PEBP4: variants seen among roughly 807,000 people sequenced by gnomAD.
PEBP4 encodes phosphatidylethanolamine binding protein 4.
In PEBP4, 22 loss-of-function variants were observed where a neutral mutation model predicts 23.9. The observed-to-expected ratio is 0.92, with a 90% CI of 0.66 to 1.31. PEBP4 has a LOEUF of 1.31. PEBP4 is among the 40% of genes most tolerant of loss of function. The probability of loss-of-function intolerance (pLI) is 0.00; values close to 1 mark genes in which losing one functional copy is unlikely to be tolerated. For synonymous variants in PEBP4, 112 were observed against 99.3 expected (o/e 1.13, Z -0.76); for missense variants, 324 against 281.7 (o/e 1.15, Z -1.07).
At chr8:22,796,104 T>C (rs576805279) in intron 4 of PEBP4, among the ~76,000 whole-genome samples, 1 of 152,360 alleles carries the variant, frequency 6.6e-6, no homozygotes, top group South Asian at 2.1e-4. Context: ...TCGATACTTA[T>C]GGGTGGCCTC....
At chr8:22,826,339 T>C (rs1411819868) in intron 3 of PEBP4, among the ~76,000 whole-genome samples, 1 of 152,238 alleles carries the variant, frequency 6.6e-6, no homozygotes, top group African/African-American at 2.4e-5. Context: ...GCATGCATTG[T>C]TGTAGGAATG....
At chr8:22,832,441 T>A (rs1302473085) in intron 3 of PEBP4, among the ~76,000 whole-genome samples, 1 of 152,306 alleles carries the variant, frequency 6.6e-6, no homozygotes, top group East Asian at 1.9e-4. Context: ...TGCTGGCACA[T>A]TGGTCTTGGA....
intron 3 of PEBP4, among the ~76,000 whole-genome samples, chr8:22,909,692 G>A (rs182993469): frequency 7.0e-4 from 106 of 152,312 alleles, no homozygotes; most frequent in African/African-American, 2.5e-3. Context: ...AGGGGCAGGA[G>A]CTTTGGAGGC....
At chr8:22,828,439 C>A (rs562583827) in intron 3 of PEBP4, among the ~76,000 whole-genome samples, 1 of 152,296 alleles carries the variant, frequency 6.6e-6, no homozygotes, top group African/African-American at 2.4e-5. Context: ...ATTCTTTGCT[C>A]TGGAACTGCC....
At chr8:22,861,520 C>T (rs976191068) in intron 3 of PEBP4, among the ~76,000 whole-genome samples, 4 of 152,200 alleles carry the variant, frequency 2.6e-5, no homozygotes, top group Non-Finnish European at 5.9e-5. Flanking sequence ...CAAATGCAGG[C>T]GGGCAAACTC....
At chr8:22,789,499 A>G (rs1554485746) in intron 4 of PEBP4, among the ~76,000 whole-genome samples, 6 of 151,800 alleles carry the variant, frequency 4.0e-5, no homozygotes, top group Non-Finnish European at 8.8e-5. Context: ...TTAAGAGGTG[A>G]CTCTATTCCT....
At chr8:22,839,867 G>A (rs2128765446) in intron 3 of PEBP4, among the ~76,000 whole-genome samples, 1 of 151,474 alleles carries the variant, frequency 6.6e-6, no homozygotes, top group South Asian at 2.1e-4. Flanking sequence ...AACCCCAATT[G>A]GAATGGCTGA....
chr8:22,719,007 C>CT (rs1225448217), intron 6 of PEBP4, among the ~76,000 whole-genome samples: 1 of 152,182 alleles, frequency 6.6e-6, no homozygotes, highest in African/African-American at 2.4e-5. Context: ...CCACCGAGGC[C>CT]TGCATGCCTT....
intron 3 of PEBP4, among the ~76,000 whole-genome samples, chr8:22,843,201 G>A (rs1807362647): frequency 6.6e-6 from 1 of 151,780 alleles, no homozygotes; most frequent in South Asian, 2.1e-4. Context: ...GACTTCAGGT[G>A]ATGCACCTGC....
chr8:22,928,448 A>G (rs757285267), upstream of PEBP4, among the ~76,000 whole-genome samples: 2 of 150,918 alleles, frequency 1.3e-5, no homozygotes, highest in South Asian at 2.1e-4. Flanking sequence ...AAATAATCGT[A>G]TCTGGAGAAG....
chr8:22,856,917 C>T (rs1807664825), intron 3 of PEBP4, among the ~76,000 whole-genome samples: 1 of 151,730 alleles, frequency 6.6e-6, no homozygotes, highest in Non-Finnish European at 1.5e-5. Flanking sequence ...CAATGTCCAA[C>T]AAAGGGGAAC....
intron 3 of PEBP4, among the ~76,000 whole-genome samples, chr8:22,883,801 T>C (rs1005276039): frequency 1.3e-5 from 2 of 152,206 alleles, no homozygotes; most frequent in Non-Finnish European, 2.9e-5. Context: ...CAGGGCCTCA[T>C]TGTCATTTGT....
intron 3 of PEBP4, among the ~76,000 whole-genome samples, chr8:22,856,297 T>A (rs1043214796): frequency 2.6e-5 from 4 of 152,324 alleles, no homozygotes; most frequent in African/African-American, 9.6e-5. Flanking sequence ...TAGGGTACTA[T>A]TTTTTACTTG....
intron 2 of PEBP4, among the ~76,000 whole-genome samples, chr8:22,926,229 G>GT (rs1809329846): frequency 6.6e-6 from 1 of 152,118 alleles, no homozygotes; most frequent in South Asian, 2.1e-4. Flanking sequence ...GCCTGCCTCA[G>GT]TCTCCCAAAG....
At chr8:22,750,118 T>C (rs891531764) in intron 4 of PEBP4, among the ~76,000 whole-genome samples, 3 of 151,744 alleles carry the variant, frequency 2.0e-5, no homozygotes, top group African/African-American at 7.3e-5. Context: ...TCTTTCTTTT[T>C]TGAGACTGAG....
chr8:22,861,951 G>A lies in PEBP4; in HGVS notation c.259-44216C>T, dbSNP rs182425246. 2.0e-5 allele frequency among the ~76,000 whole-genome samples: 3 copies of A among 152,292 alleles called. No individual in the cohort carries two copies. The East Asian group carries it at 5.8e-4, about 29-fold the overall frequency. ...GGCATACTGGTTGGATCGGGAGCACGAAGTCATTCTCTCTGTCCCCGCTAA... is the reference window on the plus strand; with the variant it reads ...GGCATACTGGTTGGATCGGGAGCACAAAGTCATTCTCTCTGTCCCCGCTAA... On this transcript the variant is annotated intron_variant, in intron 3 of 6. Coordinates refer to ENST00000256404, the MANE Select transcript of PEBP4 (RefSeq NM_144962.3).
intron 4 of PEBP4, among the ~76,000 whole-genome samples, chr8:22,766,484 C>T (rs1045508114): frequency 6.6e-6 from 1 of 152,210 alleles, no homozygotes; most frequent in Admixed American, 6.5e-5. Flanking sequence ...TATGAAATTT[C>T]TGAAGGGGCA....
At chr8:22,917,695 C>T (rs1341734266) in intron 3 of PEBP4, among the ~76,000 whole-genome samples, 1 of 152,224 alleles carries the variant, frequency 6.6e-6, no homozygotes, top group Non-Finnish European at 1.5e-5. Context: ...GACTTGCATT[C>T]AGGGCAACCA....
At chr8:22,896,620 T>A (rs1016660643) in intron 3 of PEBP4, among the ~76,000 whole-genome samples, 2 of 152,222 alleles carry the variant, frequency 1.3e-5, no homozygotes, top group Admixed American at 6.5e-5. Flanking sequence ...CCTTGGCCTC[T>A]TTATTACTGT....
Sources: allele counts gnomAD v4.1 joint callset (sites outside exome capture counted in the v4.1 genomes callset), GRCh38; gene constraint gnomAD v4.1.1; transcripts MANE v1.5; gene names NCBI Gene and HGNC (gene_info 2026-07-23, HGNC 2026-07-21).